The following MSH4 variants were observed in gnomAD, a reference collection of about 807,000 sequenced individuals.
MSH4 encodes mutS protein homolog 4.
In MSH4, 106 loss-of-function variants were observed where a neutral mutation model predicts 113.7. The observed-to-expected ratio is 0.93, with a 90% CI of 0.80 to 1.10. MSH4 has a LOEUF of 1.10. MSH4 is among the 50% of genes least tolerant of loss of function. MSH4 has a pLI of 0.00. For missense variants in MSH4, 1,061 were observed against 1,093.7 expected (o/e 0.97, Z 0.42); for synonymous variants, 368 against 380.2 (o/e 0.97, Z 0.37).
chr1:75,830,450 A>G (rs1436677181), intron 7 of MSH4, among the ~76,000 whole-genome samples: 1 of 152,160 alleles, frequency 6.6e-6, no homozygotes. Context: ...CGCCGCAAAG[A>G]TACTCCTCAA....
intron 15 of MSH4, among the ~76,000 whole-genome samples, chr1:75,885,351 A>G (rs1197350606): frequency 2.2e-4 from 26 of 117,770 alleles, no homozygotes; most frequent in African/African-American, 6.9e-4. Flanking sequence ...GTATATATAT[A>G]TATATAAAGG....
chr1:75,843,582 A>G (rs1190510888), intron 7 of MSH4, among the ~76,000 whole-genome samples: 1 of 152,186 alleles, frequency 6.6e-6, no homozygotes, highest in East Asian at 1.9e-4. Context: ...AACCCATCTC[A>G]TGAGAATCTA....
intron 19 of MSH4, among the ~76,000 whole-genome samples, chr1:75,901,734 G>A (rs10873786): frequency 0.96 from 146,505 of 152,146 alleles, 70,785 homozygotes; most frequent in East Asian, 1. Flanking sequence ...AACCCTCCAT[G>A]CTATTTTTCA....
chr1:75,901,081 A>T (rs540674180), intron 19 of MSH4, among the ~76,000 whole-genome samples: 117 of 152,020 alleles, frequency 7.7e-4, no homozygotes, highest in Non-Finnish European at 1.2e-3. Context: ...TGATATTTTG[A>T]TACTTGCATG....
intron 2 of MSH4, among the ~76,000 whole-genome samples, chr1:75,806,361 C>T (rs914999972): frequency 6.6e-6 from 1 of 150,540 alleles, no homozygotes; most frequent in African/African-American, 2.4e-5. Context: ...CATTCTCCTG[C>T]CTCAGCCTCT....
intron 19 of MSH4, among the ~76,000 whole-genome samples, chr1:75,908,679 A>G (rs148838286): frequency 9.1e-4 from 139 of 152,194 alleles, no homozygotes; most frequent in Non-Finnish European, 1.9e-3. Context: ...TGTTTTTGCA[A>G]TGAAGGATCA....
intron 8 of MSH4, among the ~76,000 whole-genome samples, chr1:75,857,422 T>C (rs1651344092): frequency 6.6e-6 from 1 of 152,216 alleles, no homozygotes; most frequent in Non-Finnish European, 1.5e-5. Flanking sequence ...TGGTTTTAGG[T>C]CTAACATTTA....
chr1:75,829,796 A>G (rs944643941), intron 7 of MSH4, among the ~76,000 whole-genome samples: 1 of 152,192 alleles, frequency 6.6e-6, no homozygotes, highest in Non-Finnish European at 1.5e-5. Flanking sequence ...CACCACCATC[A>G]TCAAAGACCA....
chr1:75,805,607 G>T (rs371376397), intron 2 of MSH4, among the ~76,000 whole-genome samples: 6 of 151,294 alleles, frequency 4.0e-5, no homozygotes, highest in African/African-American at 1.5e-4. Context: ...GGCTGGTCTC[G>T]AACTCCTGGC....
chr1:75,908,214 C>T (rs532707003), intron 19 of MSH4, among the ~76,000 whole-genome samples: 47 of 147,026 alleles, frequency 3.2e-4, no homozygotes, highest in Non-Finnish European at 6.0e-4. Flanking sequence ...GGTGTGATCT[C>T]AGCTCACTGC....
intron 7 of MSH4, among the ~76,000 whole-genome samples, chr1:75,823,793 A>G (rs547173248): frequency 5.9e-5 from 9 of 152,320 alleles, no homozygotes; most frequent in Non-Finnish European, 1.0e-4. Context: ...ATGTCCCTGC[A>G]GAGGTCATGA....
Position 75,797,065 on chromosome 1 carries a change from A to G in MSH4, c.80A>G (p.Gln27Arg), listed in dbSNP as rs1649829806. ...TCGTCGGGAGAAACCCGCTCACCTC[A>G]GGGTCCCCGCTACAATTTCGGACTC... ...SPSSGETRSP[Q>R]GPRYNFGLQE... Residue 27 changes from glutamine to arginine, a missense_variant, in exon 1 of 20, where the codon CAG (glutamine) becomes CGG (arginine). Gln to Arg is a conservative substitution (Grantham distance 43). Transcript: ENST00000263187. 10 of 1,613,922 alleles carry G rather than the reference A, an allele frequency of 6.2e-6. No individual in the cohort carries two copies. Among genetic ancestry groups the G allele is most frequent in the African/African-American group, 4.0e-5 (3 of 75,000 alleles).
chr1:75,891,907 G>GA (rs1391948759), intron 17 of MSH4, among the ~76,000 whole-genome samples: 1 of 152,162 alleles, frequency 6.6e-6, no homozygotes, highest in Non-Finnish European at 1.5e-5. Flanking sequence ...TATTACTTAA[G>GA]ATTAAAAGCT....
chr1:75,879,656 G>A (rs573129461), intron 12 of MSH4, among the ~76,000 whole-genome samples: 5 of 152,212 alleles, frequency 3.3e-5, no homozygotes, highest in South Asian at 2.1e-4. Flanking sequence ...GCTTGAGTAC[G>A]ATTAGAGATT....
chr1:75,881,938 G>A (rs964069274), intron 14 of MSH4, among the ~76,000 whole-genome samples: 1 of 151,932 alleles, frequency 6.6e-6, no homozygotes, highest in African/African-American at 2.4e-5. Flanking sequence ...CCATACTCCA[G>A]TATGCAAATT....
intron 7 of MSH4, among the ~76,000 whole-genome samples, chr1:75,840,097 A>G (rs1330304344): frequency 6.6e-6 from 1 of 152,154 alleles, no homozygotes; most frequent in African/African-American, 2.4e-5. Flanking sequence ...CAACCCTTGC[A>G]GAAGTCAATG....
intron 8 of MSH4, among the ~76,000 whole-genome samples, chr1:75,849,336 A>G (rs1450709339): frequency 7.9e-5 from 12 of 152,206 alleles, no homozygotes; most frequent in Admixed American, 7.9e-4. Flanking sequence ...GAAAGTAATA[A>G]TAGCTTTCAT....
chr1:75,833,481 A>G, intron 7 of MSH4, among the ~76,000 whole-genome samples: 1 of 152,128 alleles, frequency 6.6e-6, no homozygotes, highest in East Asian at 1.9e-4. Context: ...TTAACTGGAC[A>G]ATCCTAAACC....
intron 15 of MSH4, among the ~76,000 whole-genome samples, chr1:75,886,733 A>T (rs2100579302): frequency 7.2e-6 from 1 of 138,318 alleles, no homozygotes; most frequent in African/African-American, 2.6e-5. Flanking sequence ...TACATTATAT[A>T]TAAATATATT....
Sources: gnomAD v4.1 joint callset for allele counts (sites outside exome capture counted in the v4.1 genomes callset) on GRCh38, gnomAD v4.1.1 for gene constraint, MANE v1.5 for transcripts, NCBI Gene and HGNC (gene_info 2026-07-23, HGNC 2026-07-21) for gene names.